ANO2: variants seen among roughly 807,000 people sequenced by gnomAD.
ANO2 encodes anoctamin 2, also known as anoctamin-2.
In ANO2, 101 loss-of-function variants were observed where a neutral mutation model predicts 124.2. The observed-to-expected ratio is 0.81, with a 90% CI of 0.69 to 0.96. The LOEUF is 0.96. Ranked by LOEUF, ANO2 falls within the 40% of genes least tolerant of loss-of-function variation. The pLI, the probability that ANO2 is intolerant of heterozygous loss-of-function variation, is 0.00. For missense variants in ANO2, 1,293 were observed against 1,274.5 expected (o/e 1.01, Z -0.22); for synonymous variants, 486 against 482.5 (o/e 1.01, Z -0.09).
At chr12:5,656,693 A>C (rs187104946) in intron 14 of ANO2, among the ~76,000 whole-genome samples, 4 of 152,320 alleles carry the variant, frequency 2.6e-5, no homozygotes, top group South Asian at 2.1e-4. Context: ...ACATAGTGCA[A>C]GCTCTTTAAT....
intron 3 of ANO2, among the ~76,000 whole-genome samples, chr12:5,890,097 C>T (rs1013778228): frequency 2.0e-5 from 3 of 151,926 alleles, no homozygotes; most frequent in African/African-American, 7.3e-5. Flanking sequence ...CAGCACTGCC[C>T]AGAAGTGATT....
rs1351880421 is a variant in ANO2, at chr12:5,617,675, G to A, written c.1817-2378C>T. On this transcript the variant is annotated intron_variant, in intron 16 of 24. Transcript: ENST00000682330. Reference sequence around the variant, plus strand: ...TGTGCCACCTTCTCCAGATTACGTCGTACCGCACTCTCCAGATAACACTGT... The same window carrying A: ...TGTGCCACCTTCTCCAGATTACGTCATACCGCACTCTCCAGATAACACTGT... Among the ~76,000 whole-genome samples, 5 of 151,716 alleles carry A rather than the reference G, an allele frequency of 3.3e-5. No individual in the cohort carries two copies. In the South Asian group the frequency reaches 8.3e-4, roughly 25 times the overall value.
chr12:5,582,024 G>A (rs1942783604), intron 20 of ANO2, among the ~76,000 whole-genome samples: 1 of 152,172 alleles, frequency 6.6e-6, no homozygotes, highest in Admixed American at 6.5e-5. Context: ...TTCAGTCAAA[G>A]GTCTAAAATG....
intron 4 of ANO2, among the ~76,000 whole-genome samples, chr12:5,849,510 C>G (rs1954800186): frequency 1.3e-5 from 2 of 152,212 alleles, no homozygotes; most frequent in Admixed American, 6.5e-5. Context: ...TGCTCGGGGC[C>G]AAAGGCCAGG....
chr12:5,589,057 C>T (rs1021559847), intron 20 of ANO2, among the ~76,000 whole-genome samples: 1 of 152,152 alleles, frequency 6.6e-6, no homozygotes, highest in African/African-American at 2.4e-5. Context: ...ACTTCAAAGA[C>T]GAGGGTGCAG....
intron 3 of ANO2, among the ~76,000 whole-genome samples, chr12:5,918,957 G>T (rs1265627711): frequency 6.6e-6 from 1 of 152,142 alleles, no homozygotes; most frequent in African/African-American, 2.4e-5. Flanking sequence ...GTTCAGGGAG[G>T]TCACTCATAT....
intron 16 of ANO2, among the ~76,000 whole-genome samples, chr12:5,631,919 C>A (rs529824506): frequency 6.6e-6 from 1 of 151,956 alleles, no homozygotes; most frequent in East Asian, 1.9e-4. Flanking sequence ...ACCCACTGTT[C>A]GGGAAAGGTT....
intron 14 of ANO2, among the ~76,000 whole-genome samples, chr12:5,684,943 C>T (rs1948644629): frequency 6.6e-6 from 1 of 152,192 alleles, no homozygotes; most frequent in Non-Finnish European, 1.5e-5. Context: ...TTTTGGTGAG[C>T]TGCTGTTTTT....
In ANO2 at chr12:5,578,403, C is replaced by A; in HGVS notation, c.2349G>T (p.Glu783Asp). ...VRLDAKKFVT[E>D]LRRPDAVRTK... Reference sequence around the variant, plus strand: ...TTCTTACAGCATCCGGCCGTCTCAGCTCTGTAACAAACTTCTTTGCATCGA... The same window carrying A: ...TTCTTACAGCATCCGGCCGTCTCAGATCTGTAACAAACTTCTTTGCATCGA... The change falls in exon 21 of 25, where the codon GAG (glutamate) becomes GAT (aspartate). Residue 783 changes from glutamate (E) to aspartate (D), a missense_variant. Glu to Asp is a conservative substitution (Grantham distance 45). Coordinates refer to ENST00000682330, the MANE Select transcript of ANO2 (RefSeq NM_001364791.2). 6.2e-7 allele frequency: 1 copy of A among 1,613,978 alleles called. No individual in the cohort carries two copies. Among genetic ancestry groups the A allele is most frequent in the Non-Finnish European group, 8.5e-7 (1 of 1,179,862 alleles).
At chr12:5,697,937 T>G (rs1201767175) in intron 14 of ANO2, among the ~76,000 whole-genome samples, 1 of 151,992 alleles carries the variant, frequency 6.6e-6, no homozygotes, top group African/African-American at 2.4e-5. Context: ...GAGGCTTGAG[T>G]AGGTAAACAA....
chr12:5,724,537 A>G (rs1050034054), intron 14 of ANO2, among the ~76,000 whole-genome samples: 1 of 152,224 alleles, frequency 6.6e-6, no homozygotes, highest in Non-Finnish European at 1.5e-5. Context: ...CTGTTGTCAC[A>G]GCCTCCGCAA....
intron 14 of ANO2, among the ~76,000 whole-genome samples, chr12:5,648,976 A>G (rs1029651333): frequency 6.6e-6 from 1 of 152,202 alleles, no homozygotes; most frequent in African/African-American, 2.4e-5. Context: ...GGACATTCTT[A>G]TACTAAAAGA....
intron 4 of ANO2, among the ~76,000 whole-genome samples, chr12:5,842,625 T>C (rs1205827158): frequency 6.6e-6 from 1 of 152,228 alleles, no homozygotes; most frequent in Non-Finnish European, 1.5e-5. Flanking sequence ...AGCATTTATT[T>C]AGTGCCTGCT....
intron 3 of ANO2, among the ~76,000 whole-genome samples, chr12:5,880,590 T>C (rs78116439): frequency 0.019 from 2,959 of 151,770 alleles, 89 homozygotes; most frequent in African/African-American, 0.069. Flanking sequence ...GGAGGGAAAA[T>C]GTCAAGCAGG....
At chr12:5,764,850 C>T (rs1011263574) in intron 10 of ANO2, among the ~76,000 whole-genome samples, 7 of 152,350 alleles carry the variant, frequency 4.6e-5, no homozygotes, top group Admixed American at 3.3e-4. Flanking sequence ...GCCTCTTAGG[C>T]CTGTGCTTAA....
At chr12:5,926,425 T>C (rs1428433935) in intron 1 of ANO2, among the ~76,000 whole-genome samples, 2 of 152,150 alleles carry the variant, frequency 1.3e-5, no homozygotes, top group African/African-American at 2.4e-5. Context: ...GGGGCTCCCA[T>C]GGCTCTCGGG....
At chr12:5,748,865 C>T (rs1209897252) in intron 11 of ANO2, among the ~76,000 whole-genome samples, 34 of 100,464 alleles carry the variant, frequency 3.4e-4, no homozygotes, top group Non-Finnish European at 6.1e-4. Context: ...TTTCCCTTCA[C>T]CCTCCAAAAA....
intron 14 of ANO2, among the ~76,000 whole-genome samples, chr12:5,665,870 C>T (rs889137788): frequency 6.6e-6 from 1 of 152,138 alleles, no homozygotes; most frequent in Non-Finnish European, 1.5e-5. Flanking sequence ...AGCCACCCCC[C>T]TGTGCCACTG....
Position 5,739,333 on chromosome 12 carries a change from C to A in ANO2, c.1418G>T (p.Gly473Val). The change falls in exon 13 of 25, where the codon GGC (glycine) becomes GTC (valine). Residue 473 changes from glycine to valine, a missense_variant. Coordinates refer to ENST00000682330, the MANE Select transcript of ANO2 (RefSeq NM_001364791.2). ...MRLGYFWDLT[G>V]IEEEEEHSRP... Reference sequence around the variant, plus strand: ...AGAACTCACTTCTTCCTCTTCTATGCCAGTCAGGTCCCAAAAGTAGCCCAG... The same window carrying A: ...AGAACTCACTTCTTCCTCTTCTATGACAGTCAGGTCCCAAAAGTAGCCCAG... The A allele has an allele frequency of 6.2e-7, 1 of 1,604,794 alleles. No individual in the cohort carries two copies. The highest frequency in any genetic ancestry group is 8.5e-7 in the Non-Finnish European group (1 of 1,175,596).
Sources: gnomAD v4.1 joint callset for allele counts (sites outside exome capture counted in the v4.1 genomes callset) on GRCh38, gnomAD v4.1.1 for gene constraint, MANE v1.5 for transcripts, NCBI Gene and HGNC (gene_info 2026-07-23, HGNC 2026-07-21) for gene names.